The following FAT3 variants were observed in gnomAD, a reference collection of about 807,000 sequenced individuals.
The protein encoded by FAT3 is protocadherin Fat 3.
FAT3 carries 95 observed loss-of-function variants against 310.2 expected under a neutral mutation model. The ratio of observed to expected loss-of-function variants is 0.31; its 90% confidence interval spans 0.26 to 0.36. The LOEUF is 0.36. Ranked by LOEUF, FAT3 falls within the 10% of genes least tolerant of loss-of-function variation. The probability of loss-of-function intolerance (pLI) is 1.00; values close to 1 mark genes in which losing one functional copy is unlikely to be tolerated. For synonymous variants in FAT3, 2,314 were observed against 2,192.9 expected (o/e 1.06, Z -1.54); for missense variants, 5,408 against 5,715.6 (o/e 0.95, Z 1.74).
chr11:92,703,157 T>C lies in FAT3; in HGVS notation c.3669+5712T>C, dbSNP rs146401130. On this transcript the variant is annotated intron_variant, in intron 4 of 27. Transcript: ENST00000525166. ...GTTCTCATCCCTTTTTATAGTTTTA[T>C]TTTCTGAGGGAAAAAAATATTGTTC... Among the ~76,000 whole-genome samples, 775 of 152,358 alleles carry C rather than the reference T, an allele frequency of 5.1e-3. 4 individuals carry two copies. The highest frequency in any genetic ancestry group is 8.6e-3 in the Non-Finnish European group (584 of 68,032).
chr11:92,641,568 T>C (rs1474394470), intron 3 of FAT3, among the ~76,000 whole-genome samples: 2 of 152,182 alleles, frequency 1.3e-5, no homozygotes, highest in Non-Finnish European at 2.9e-5. Flanking sequence ...TCGGCCTCTG[T>C]CTTCACATTG....
At position 92,882,581 on chromosome 11, in the gene FAT3, CCCCT is replaced by C. The variant is rs1436674742; in HGVS notation, c.12282-153_12282-150del. ...GCCACAGAAATGCCTAAATTAACTC[CCCCT>C]CCCCCCCCCCACCAACCATCTTTGT... On this transcript the variant is annotated intron_variant, in intron 23 of 27. Transcript: ENST00000525166. Among the ~76,000 whole-genome samples the C allele has an allele frequency of 6.0e-4, 63 of 104,696 alleles. 1 individual carries two copies. The highest frequency in any genetic ancestry group is 1.5e-3 in the South Asian group (4 of 2,752). 68.7% of individuals were successfully genotyped at this position (104,696 alleles called of 152,430 possible). A position where few individuals can be genotyped will look rare whatever the true frequency, so the allele number is the denominator to read the frequency against.
chr11:92,824,277 A>G (rs572325268), intron 13 of FAT3, among the ~76,000 whole-genome samples: 1 of 152,230 alleles, frequency 6.6e-6, no homozygotes, highest in South Asian at 2.1e-4. Context: ...GAAACGCTTG[A>G]ACCCAGGAGG....
intron 2 of FAT3, among the ~76,000 whole-genome samples, chr11:92,382,858 G>A (rs1949529962): frequency 6.6e-6 from 1 of 152,104 alleles, no homozygotes; most frequent in African/African-American, 2.4e-5. Context: ...AAGTTCATGG[G>A]TACATGTGTG....
At chr11:92,585,831 T>G (rs1489546906) in intron 3 of FAT3, among the ~76,000 whole-genome samples, 1 of 70,274 alleles carries the variant, frequency 1.4e-5, no homozygotes, top group East Asian at 2.5e-4. Context: ...CTTTCCTGTT[T>G]TTTTTTTCCC....
intron 2 of FAT3, among the ~76,000 whole-genome samples, chr11:92,518,621 T>C (rs1342727016): frequency 1.3e-5 from 2 of 151,856 alleles, no homozygotes; most frequent in Non-Finnish European, 1.5e-5. Context: ...GTAACAAACC[T>C]GCACGTTTTG....
intron 3 of FAT3, among the ~76,000 whole-genome samples, chr11:92,647,069 C>G (rs1436803742): frequency 6.6e-6 from 1 of 151,928 alleles, no homozygotes; most frequent in Non-Finnish European, 1.5e-5. Context: ...ATGCTCAGAC[C>G]CAAGATTGAA....
chr11:92,455,579 G>A (rs962754183), intron 2 of FAT3, among the ~76,000 whole-genome samples: 3 of 152,098 alleles, frequency 2.0e-5, no homozygotes, highest in Non-Finnish European at 4.4e-5. Flanking sequence ...ATGACTCTGG[G>A]TGGAACAATG....
At chr11:92,336,036 T>C in intron 1 of FAT3, 1 of 495,978 alleles carries the variant, frequency 2.0e-6, no homozygotes, top group South Asian at 1.5e-5. Flanking sequence ...AACTGGTCAG[T>C]TCTCATCCTC....
intron 5 of FAT3, among the ~76,000 whole-genome samples, chr11:92,763,369 A>G (rs1946212004): frequency 6.6e-6 from 1 of 152,136 alleles, no homozygotes; most frequent in Admixed American, 6.5e-5. Flanking sequence ...CTCTGTATCT[A>G]CTGTTAGAAG....
At chr11:92,231,641 C>T (rs1864185191) in intron 1 of FAT3, among the ~76,000 whole-genome samples, 2 of 152,126 alleles carry the variant, frequency 1.3e-5, no homozygotes, top group African/African-American at 4.8e-5. Flanking sequence ...AGTGAGCACT[C>T]TGGAGCAGCT....
At chr11:92,463,061 G>A (rs1055975239) in intron 2 of FAT3, among the ~76,000 whole-genome samples, 3 of 152,192 alleles carry the variant, frequency 2.0e-5, no homozygotes, top group Non-Finnish European at 4.4e-5. Context: ...GCTTCTTGAT[G>A]GTTTATGGGG....
Position 92,309,659 on chromosome 11 carries a change from C to T in FAT3, c.-17-42437C>T, listed in dbSNP as rs533210924. Among the ~76,000 whole-genome samples, 25 of 152,190 alleles carry T rather than the reference C, an allele frequency of 1.6e-4. No individual in the cohort carries two copies. The South Asian group carries it at 5.0e-3, about 30-fold the overall frequency. On this transcript the variant is annotated intron_variant, in intron 1 of 27. Transcript: ENST00000525166. ...ACTTCGTGAGGCCCTTCTTGTTACC[C>T]TGGTAGCTGGTATCTCAGACAGTGA...
chr11:92,599,282 C>T lies in FAT3; in HGVS notation c.3607+74334C>T, dbSNP rs146523272. ...CAATCATTGTGGAAGGAAGCAAACA[C>T]GTCCTTCTTCACATGGTGGCAGCAA... On this transcript the variant is annotated intron_variant, in intron 3 of 27. Transcript: ENST00000525166. 2.4e-3 allele frequency among the ~76,000 whole-genome samples: 363 copies of T among 152,226 alleles called. 3 individuals carry two copies. The highest frequency in any genetic ancestry group is 3.8e-3 in the Non-Finnish European group (260 of 68,014).
intron 1 of FAT3, among the ~76,000 whole-genome samples, chr11:92,350,354 ATT>A (rs753277127): frequency 2.0e-5 from 2 of 97,782 alleles, no homozygotes; most frequent in African/African-American, 8.9e-5. Flanking sequence ...TCCTGTAGGG[ATT>A]TTTTTTTTTT....
At chr11:92,428,430 A>G (rs2135013231) in intron 2 of FAT3, among the ~76,000 whole-genome samples, 1 of 150,690 alleles carries the variant, frequency 6.6e-6, no homozygotes, top group Middle Eastern at 3.4e-3. Flanking sequence ...TAGCTTTTGT[A>G]CTTGTTTGCT....
intron 3 of FAT3, among the ~76,000 whole-genome samples, chr11:92,547,411 G>A (rs1312018010): frequency 2.6e-5 from 4 of 152,142 alleles, no homozygotes; most frequent in East Asian, 3.9e-4. Context: ...AAATTGGCAG[G>A]TCTGGGATCA....
intron 1 of FAT3, among the ~76,000 whole-genome samples, chr11:92,318,836 G>A (rs536389840): frequency 9.3e-4 from 141 of 152,324 alleles, no homozygotes; most frequent in African/African-American, 3.2e-3. Flanking sequence ...CAAGGAGGGT[G>A]TTTTGGTAGA....
At chr11:92,673,997 A>G (rs1018853288) in intron 3 of FAT3, among the ~76,000 whole-genome samples, 1 of 152,036 alleles carries the variant, frequency 6.6e-6, no homozygotes, top group African/African-American at 2.4e-5. Context: ...CCTGGCCAAC[A>G]TGGTGAAACC....
Sources: allele counts gnomAD v4.1 joint callset (sites outside exome capture counted in the v4.1 genomes callset), GRCh38; gene constraint gnomAD v4.1.1; transcripts MANE v1.5; gene names NCBI Gene and HGNC (gene_info 2026-07-23, HGNC 2026-07-21).